DPP10: variants seen among roughly 807,000 people sequenced by gnomAD.
The protein encoded by DPP10 is inactive dipeptidyl peptidase 10.
A neutral mutation model predicts 120.9 loss-of-function variants in DPP10; 33 were observed. The ratio of observed to expected loss-of-function variants is 0.27; its 90% CI spans 0.21 to 0.37. The LOEUF is 0.37. Ranked by LOEUF, DPP10 falls within the 10% of genes least tolerant of loss-of-function variation. The probability of loss-of-function intolerance (pLI) is 1.00; values close to 1 mark genes in which losing one functional copy is unlikely to be tolerated. For missense variants in DPP10, 816 were observed against 942.8 expected (o/e 0.87, Z 1.76); for synonymous variants, 337 against 326.1 (o/e 1.03, Z -0.36).
At chr2:114,928,545 C>A (rs1363376063) in intron 1 of DPP10, among the ~76,000 whole-genome samples, 1 of 152,190 alleles carries the variant, frequency 6.6e-6, no homozygotes, top group Non-Finnish European at 1.5e-5. Flanking sequence ...TGCAATCCCC[C>A]TGGCTGGCTG....
At chr2:115,497,713 G>T (rs2148778356) in intron 3 of DPP10, among the ~76,000 whole-genome samples, 1 of 152,128 alleles carries the variant, frequency 6.6e-6, no homozygotes, top group East Asian at 1.9e-4. Context: ...GTTGAGGTTG[G>T]ACTGTTGATT....
At chr2:114,819,734 C>G (rs1467339860) in intron 1 of DPP10, among the ~76,000 whole-genome samples, 1 of 152,106 alleles carries the variant, frequency 6.6e-6, no homozygotes, top group Non-Finnish European at 1.5e-5. Context: ...AAGCCTTTTT[C>G]TTTTGTGAGC....
intron 1 of DPP10, among the ~76,000 whole-genome samples, chr2:114,709,053 G>A (rs1406934688): frequency 6.6e-6 from 1 of 152,176 alleles, no homozygotes; most frequent in Non-Finnish European, 1.5e-5. Flanking sequence ...ACAGCGCCCA[G>A]CCCCATTGCT....
At chr2:115,805,068 G>A (rs975205448) in intron 19 of DPP10, among the ~76,000 whole-genome samples, 1 of 152,218 alleles carries the variant, frequency 6.6e-6, no homozygotes, top group African/African-American at 2.4e-5. Flanking sequence ...TTGAGCTGTG[G>A]TGGGCTCCAC....
At chr2:115,357,006 C>T (rs1559477694) in intron 3 of DPP10, among the ~76,000 whole-genome samples, 3 of 152,272 alleles carry the variant, frequency 2.0e-5, no homozygotes, top group South Asian at 2.1e-4. Context: ...TGTTTTTGAA[C>T]CATTGCCCCT....
At chr2:115,750,128 T>G in intron 10 of DPP10, 1 of 985,368 alleles carries the variant, frequency 1.0e-6, no homozygotes, top group Non-Finnish European at 1.2e-6. Flanking sequence ...AATGTGTTCA[T>G]GAGATGGAGT....
At chr2:115,468,733 G>A (rs843440) in intron 3 of DPP10, 374,796 of 380,428 alleles carry the variant, frequency 0.99, 184,873 homozygotes, top group East Asian at 1. Flanking sequence ...AAGAATTTCA[G>A]GATGAATGGC....
At chr2:115,377,807 G>T (rs1398781605) in intron 3 of DPP10, among the ~76,000 whole-genome samples, 1 of 152,038 alleles carries the variant, frequency 6.6e-6, no homozygotes, top group African/African-American at 2.4e-5. Context: ...TATTAAATAG[G>T]GAATCCTTTC....
Position 115,739,775 on chromosome 2 carries a change from C to A in DPP10, c.734C>A (p.Ser245Ter). The stretch of plus-strand genomic sequence containing the variant: ...CATTCTCACATCGCCCACTGGTGGT[C>A]ACCAGATGGAGAAAGACTTGCCTTC... ...LLHSHIAHWW[S>*]PDGERLAFLM... Residue 245 changes from serine to a stop codon, truncating the protein, a stop_gained, in exon 9 of 26, where the codon TCA becomes TAA. Coordinates refer to ENST00000410059, the MANE Select transcript of DPP10 (RefSeq NM_020868.6). LOFTEE classifies it high-confidence loss of function. 6.2e-7 allele frequency: 1 copy of A among 1,613,492 alleles called. No homozygotes were observed. Among genetic ancestry groups the A allele is most frequent in the South Asian group, 1.1e-5 (1 of 91,060 alleles).
At chr2:114,477,617 C>T (rs1194004107) in intron 1 of DPP10, among the ~76,000 whole-genome samples, 2 of 151,132 alleles carry the variant, frequency 1.3e-5, no homozygotes, top group Non-Finnish European at 2.9e-5. Context: ...GAAACCATGC[C>T]TCTACTAAAA....
At chr2:115,416,806 T>TCAGACCAGTTATGAGGCTGCGTTC (rs1472303340) in intron 3 of DPP10, among the ~76,000 whole-genome samples, 1 of 151,904 alleles carries the variant, frequency 6.6e-6, no homozygotes, top group Non-Finnish European at 1.5e-5. Context: ...TTTGTGGGAG[T>TCAGACCAGTTATGAGGCTGCGTTC]CAGACCAGTT....
At chr2:115,525,148 G>A (rs1358257973) in intron 4 of DPP10, among the ~76,000 whole-genome samples, 2 of 151,998 alleles carry the variant, frequency 1.3e-5, no homozygotes, top group African/African-American at 2.4e-5. Context: ...TTTATTTTGT[G>A]TTTTTTTGTT....
chr2:115,382,668 A>T (rs1470839733), intron 3 of DPP10, among the ~76,000 whole-genome samples: 1 of 152,212 alleles, frequency 6.6e-6, no homozygotes, highest in Non-Finnish European at 1.5e-5. Context: ...GTATGAGGTA[A>T]AAGTAGGGAC....
chr2:115,397,163 A>G (rs1030792748), intron 3 of DPP10, among the ~76,000 whole-genome samples: 7 of 152,190 alleles, frequency 4.6e-5, no homozygotes, highest in African/African-American at 1.7e-4. Flanking sequence ...ATTTCAGCAG[A>G]GTGTTGCCAG....
At chr2:115,760,183 CAGGAAAT>C (rs1261034848) in intron 11 of DPP10, among the ~76,000 whole-genome samples, 1 of 152,042 alleles carries the variant, frequency 6.6e-6, no homozygotes, top group South Asian at 2.1e-4. Flanking sequence ...TGTCCACTAA[CAGGAAAT>C]AGACTTTAAA....
intron 1 of DPP10, among the ~76,000 whole-genome samples, chr2:114,764,616 A>G (rs764022249): frequency 8.6e-5 from 13 of 151,916 alleles, no homozygotes; most frequent in Admixed American, 2.0e-4. Context: ...CTAATAATGC[A>G]TCAAGATTGA....
chr2:115,163,651 T>G (rs912500127), intron 1 of DPP10, among the ~76,000 whole-genome samples: 6 of 152,228 alleles, frequency 3.9e-5, no homozygotes, highest in Non-Finnish European at 5.9e-5. Flanking sequence ...TCTTTCAGGC[T>G]GACAGCCCTT....
intron 3 of DPP10, among the ~76,000 whole-genome samples, chr2:115,398,975 C>G (rs1451013852): frequency 6.6e-6 from 1 of 151,968 alleles, no homozygotes; most frequent in Non-Finnish European, 1.5e-5. Flanking sequence ...AGAGAGCACA[C>G]TTTTTTTTAA....
intron 1 of DPP10, among the ~76,000 whole-genome samples, chr2:115,202,594 A>C (rs1297758970): frequency 1.3e-5 from 2 of 152,204 alleles, no homozygotes; most frequent in Admixed American, 6.5e-5. Flanking sequence ...TGAGAATACA[A>C]AATTGGATTC....
Sources: gnomAD v4.1 joint callset for allele counts (sites outside exome capture counted in the v4.1 genomes callset) on GRCh38, gnomAD v4.1.1 for gene constraint, MANE v1.5 for transcripts, NCBI Gene and HGNC (gene_info 2026-07-23, HGNC 2026-07-21) for gene names.